The following FBXL7 variants were observed in gnomAD, a reference collection of about 807,000 sequenced individuals.
The protein encoded by FBXL7 is F-box/LRR-repeat protein 7.
Under a neutral mutation model 38.3 loss-of-function variants are expected in FBXL7, and 12 were observed. The observed-to-expected ratio is 0.31, with a 90% CI of 0.20 to 0.51. The LOEUF is 0.51. Ranked by LOEUF, FBXL7 falls within the 20% of genes least tolerant of loss-of-function variation. The probability of loss-of-function intolerance (pLI) is 0.98; values close to 1 mark genes in which losing one functional copy is unlikely to be tolerated. For synonymous variants in FBXL7, 297 were observed against 300.9 expected, an observed-to-expected ratio of 0.99 and a Z score of 0.13; for missense variants, 567 against 676.4, an observed-to-expected ratio of 0.84 and a Z score of 1.79.
At chr5:15,824,354 A>G (rs1049196279) in intron 2 of FBXL7, among the ~76,000 whole-genome samples, 8 of 150,696 alleles carry the variant, frequency 5.3e-5, no homozygotes, top group Non-Finnish European at 8.8e-5. Context: ...TCCCAAATGC[A>G]TTTTGAAAAT....
In FBXL7 at chr5:15,937,150, C is replaced by T. The variant is rs900515039; in HGVS notation, c.1440C>T (p.Arg480=). The change falls in exon 4 of 4, where the codon CGC becomes CGT. Residue 480 remains arginine, a synonymous_variant. Transcript: ENST00000504595. Reference sequence around the variant, plus strand: ...GCTTTGTCAAACGCCACTGCAAGCGCTGCGTCATCGAGCACACCAACCCGG... The same window carrying T: ...GCTTTGTCAAACGCCACTGCAAGCGTTGCGTCATCGAGCACACCAACCCGG... The part of the protein sequence containing the change: ...ALRFVKRHCK[R]CVIEHTNPAF... 6.2e-6 allele frequency: 10 copies of T among 1,604,434 alleles called. No individual in the cohort carries two copies. Among genetic ancestry groups the T allele is most frequent in the Non-Finnish European group, 7.7e-6 (9 of 1,173,814 alleles).
At chr5:15,841,737 C>G (rs1198055471) in intron 2 of FBXL7, among the ~76,000 whole-genome samples, 1 of 152,236 alleles carries the variant, frequency 6.6e-6, no homozygotes, top group African/African-American at 2.4e-5. Context: ...CCCAGCCACT[C>G]CAGCTGTAGC....
At chr5:15,615,911 G>A (rs1462735680) in intron 1 of FBXL7, 72 bp from the exon 2 acceptor site, 28 of 946,510 alleles carry the variant, frequency 3.0e-5, no homozygotes, top group Non-Finnish European at 4.5e-5. Context: ...GCTTGCTGTG[G>A]GACCGAGTGG....
intron 2 of FBXL7, among the ~76,000 whole-genome samples, chr5:15,642,884 T>G (rs570654074): frequency 6.6e-6 from 1 of 152,358 alleles, no homozygotes; most frequent in South Asian, 2.1e-4. Context: ...TAAAATGAAC[T>G]GTTGGATCTC....
chr5:15,826,214 C>T (rs992540890), intron 2 of FBXL7, among the ~76,000 whole-genome samples: 4 of 152,066 alleles, frequency 2.6e-5, no homozygotes, highest in South Asian at 2.1e-4. Flanking sequence ...CACTCCTTAC[C>T]GACAGCTTAA....
intron 3 of FBXL7, among the ~76,000 whole-genome samples, chr5:15,929,913 G>T (rs1033950852): frequency 3.9e-5 from 6 of 152,166 alleles, no homozygotes; most frequent in African/African-American, 1.4e-4. Context: ...ACTATGGTGG[G>T]TGAACAAACA....
At chr5:15,767,278 A>C (rs1413053681) in intron 2 of FBXL7, among the ~76,000 whole-genome samples, 1 of 152,168 alleles carries the variant, frequency 6.6e-6, no homozygotes, top group African/African-American at 2.4e-5. Context: ...AAAGTCTATA[A>C]TTTTCATTCA....
At chr5:15,782,004 CT>C (rs1737006522) in intron 2 of FBXL7, among the ~76,000 whole-genome samples, 1 of 152,062 alleles carries the variant, frequency 6.6e-6, no homozygotes. Flanking sequence ...TGACAGGCCC[CT>C]GGTGTATGAT....
intron 1 of FBXL7, among the ~76,000 whole-genome samples, chr5:15,527,690 TTGTATGG>T (rs1483046357): frequency 6.6e-6 from 1 of 152,228 alleles, no homozygotes; most frequent in African/African-American, 2.4e-5. Context: ...TTCCTTCCAG[TTGTATGG>T]TTCATAAGCT....
chr5:15,574,905 C>T (rs1490211063), intron 1 of FBXL7, among the ~76,000 whole-genome samples: 2 of 151,192 alleles, frequency 1.3e-5, no homozygotes, highest in East Asian at 3.9e-4. Flanking sequence ...GCTCATATCT[C>T]TTAGCCATTC....
intron 2 of FBXL7, among the ~76,000 whole-genome samples, chr5:15,629,582 T>A (rs543100397): frequency 2.6e-5 from 4 of 152,144 alleles, no homozygotes; most frequent in Non-Finnish European, 5.9e-5. Flanking sequence ...TCCACAGCAA[T>A]GCCAGTACTA....
intron 2 of FBXL7, among the ~76,000 whole-genome samples, chr5:15,682,882 A>G (rs1742894678): frequency 6.6e-6 from 1 of 152,128 alleles, no homozygotes; most frequent in Non-Finnish European, 1.5e-5. Context: ...ATTGTCTGAG[A>G]TTTTCTGTTT....
intron 2 of FBXL7, among the ~76,000 whole-genome samples, chr5:15,865,125 G>C (rs984525035): frequency 1.3e-5 from 2 of 152,166 alleles, no homozygotes; most frequent in African/African-American, 4.8e-5. Context: ...TTCATAAGGA[G>C]AGAAACCATC....
chr5:15,648,695 A>G (rs1181843835), intron 2 of FBXL7, among the ~76,000 whole-genome samples: 1 of 152,160 alleles, frequency 6.6e-6, no homozygotes, highest in African/African-American at 2.4e-5. Context: ...TTTTCATTCA[A>G]GCTCTTTTAG....
At chr5:15,629,750 T>C (rs138419369) in intron 2 of FBXL7, among the ~76,000 whole-genome samples, 1 of 152,322 alleles carries the variant, frequency 6.6e-6, no homozygotes, top group East Asian at 1.9e-4. Flanking sequence ...GTATTTGTCA[T>C]TTAATACACA....
chr5:15,512,649 T>C (rs1736831656), intron 1 of FBXL7, among the ~76,000 whole-genome samples: 1 of 152,240 alleles, frequency 6.6e-6, no homozygotes, highest in Non-Finnish European at 1.5e-5. Context: ...CTCTTATAGA[T>C]GAAAATAGTT....
chr5:15,772,628 C>T (rs1736756529), intron 2 of FBXL7, among the ~76,000 whole-genome samples: 1 of 152,050 alleles, frequency 6.6e-6, no homozygotes, highest in Non-Finnish European at 1.5e-5. Flanking sequence ...TAATAATACC[C>T]TCTTCATGGT....
intron 1 of FBXL7, among the ~76,000 whole-genome samples, chr5:15,559,939 C>T (rs1320629831): frequency 6.6e-6 from 1 of 152,174 alleles, no homozygotes; most frequent in African/African-American, 2.4e-5. Context: ...TCCAGTTACA[C>T]GCAATCACTT....
chr5:15,870,767 C>CCT (rs1290088271), intron 2 of FBXL7, among the ~76,000 whole-genome samples: 3 of 152,188 alleles, frequency 2.0e-5, no homozygotes, highest in Non-Finnish European at 2.9e-5. Context: ...CTAGATTCCT[C>CCT]CTCTCTGAGC....
Sources: gnomAD v4.1 joint callset for allele counts (sites outside exome capture counted in the v4.1 genomes callset) on GRCh38, gnomAD v4.1.1 for gene constraint, MANE v1.5 for transcripts, NCBI Gene and HGNC (gene_info 2026-07-23, HGNC 2026-07-21) for gene names.